ZNF462: variants seen among roughly 807,000 people sequenced by gnomAD.
ZNF462 encodes zinc finger PBX1-interacting protein.
In ZNF462, 10 loss-of-function variants were observed where a neutral mutation model predicts 201.9. That is an observed-to-expected ratio of 0.05 (90% CI 0.03 to 0.08). The LOEUF (loss-of-function observed/expected upper bound fraction) is 0.08. Ranked by LOEUF, ZNF462 falls within the 10% of genes least tolerant of loss-of-function variation. ZNF462 has a pLI of 1.00. For synonymous variants in ZNF462, 1,227 were observed against 1,193.3 expected, an observed-to-expected ratio of 1.03 and a Z score of -0.58; for missense variants, 2,523 against 3,168.3, an observed-to-expected ratio of 0.80 and a Z score of 4.89.
chr9:106,990,410 G>T (rs1020187886), intron 10 of ZNF462, among the ~76,000 whole-genome samples: 9 of 151,952 alleles, frequency 5.9e-5, no homozygotes, highest in African/African-American at 2.2e-4. Flanking sequence ...TGGATGGAAT[G>T]TTCTGTATGT....
chr9:106,864,155 TGGCTGCTGC>T (rs1783373477), intron 1 of ZNF462, among the ~76,000 whole-genome samples: 1 of 133,430 alleles, frequency 7.5e-6, no homozygotes, highest in Admixed American at 8.2e-5. Context: ...TGTCGGGGGG[TGGCTGCTGC>T]AGCTGCTGGT....
chr9:106,888,006 G>T (rs1393494530), intron 1 of ZNF462, among the ~76,000 whole-genome samples: 1 of 151,768 alleles, frequency 6.6e-6, no homozygotes, highest in African/African-American at 2.4e-5. Context: ...GTCTAGCCCA[G>T]TGCTAGGTAC....
intron 7 of ZNF462, among the ~76,000 whole-genome samples, chr9:106,964,470 G>A (rs1350845332): frequency 5.9e-5 from 9 of 151,956 alleles, no homozygotes; most frequent in African/African-American, 1.9e-4. Context: ...TTTGAATCTC[G>A]TTCCTTTGAT....
chr9:106,923,392 G>T lies in ZNF462; in HGVS notation c.9G>T (p.Val3=). The T allele has an allele frequency of 6.2e-7, 1 of 1,614,110 alleles. No individual in the cohort carries two copies. ME[V]LQCDGCDFRA... ...GAGGCTAGACCCAGATCATGGAGGT[G>T]CTTCAGTGTGATGGCTGTGATTTCC... Residue 3 remains valine (V), a synonymous_variant, in exon 2 of 13, where the codon GTG becomes GTT. Transcript: ENST00000277225. This position sits in a 1 kb window ranked among gnomAD's most constrained non-coding sequence, Gnocchi z 5.6.
At position 107,003,972 on chromosome 9, in the gene ZNF462, A is replaced by G. The variant is rs556659513; in HGVS notation, c.7189+546A>G. Among the ~76,000 whole-genome samples the G allele has an allele frequency of 2.0e-5, 3 of 152,274 alleles. No homozygotes were observed. Among genetic ancestry groups the G allele is most frequent in the African/African-American group, 7.2e-5 (3 of 41,556 alleles). On this transcript the variant is annotated intron_variant, in intron 11 of 12. Transcript: ENST00000277225. This position sits in a 1 kb window ranked among gnomAD's most constrained non-coding sequence, Gnocchi z 4.4. ...AAAGAGAGACCACCTCTTTCATTCA[A>G]CTATGTATTTACAGAATACACTGGG...
chr9:106,957,994 G>A (rs1831657503), intron 7 of ZNF462, among the ~76,000 whole-genome samples: 1 of 152,082 alleles, frequency 6.6e-6, no homozygotes, highest in Non-Finnish European at 1.5e-5. Context: ...AGATGTGAAT[G>A]TACTGAGTTC....
Position 106,993,858 on chromosome 9 carries a change from C to T in ZNF462, c.7057-9436C>T, listed in dbSNP as rs1050838034. Among the ~76,000 whole-genome samples, 8 of 152,258 alleles carry T rather than the reference C, an allele frequency of 5.3e-5. No individual in the cohort carries two copies. Among genetic ancestry groups the T allele is most frequent in the South Asian group, 2.1e-4 (1 of 4,824 alleles). On this transcript the variant is annotated intron_variant, in intron 10 of 12. Coordinates refer to ENST00000277225, the MANE Select transcript of ZNF462 (RefSeq NM_021224.6). The surrounding 1 kb of genome is among the most constrained non-coding windows in gnomAD (Gnocchi z 4.0). ...CTCCTAGGCTCAAGCAATCCTCCCA[C>T]CTTGGCTTCCCAAAGTACAGGAATT...
chr9:106,973,821 G>A (rs1298069426), intron 8 of ZNF462, among the ~76,000 whole-genome samples: 4 of 151,880 alleles, frequency 2.6e-5, no homozygotes, highest in Non-Finnish European at 5.9e-5. Context: ...CCTTTTTTGG[G>A]ATTTTGTTTT....
Position 106,984,459 on chromosome 9 carries a change from G to A in ZNF462, c.7056+50G>A, listed in dbSNP as rs371443315. 19 of 1,476,394 alleles carry A rather than the reference G, an allele frequency of 1.3e-5. No homozygotes were observed. The African/African-American group carries it at 2.1e-4, about 16-fold the overall frequency. 91.5% of individuals were successfully genotyped at this position (1,476,394 alleles called of 1,614,324 possible). On this transcript the variant is annotated intron_variant, in intron 10 of 12. Coordinates refer to ENST00000277225, the MANE Select transcript of ZNF462 (RefSeq NM_021224.6). The surrounding 1 kb of genome is among the most constrained non-coding windows in gnomAD (Gnocchi z 6.4). ...CGCCTCAGCACACTTGTGGGGAGGG[G>A]CCAAGGGGGAGACACCACTGCATTT...
intron 1 of ZNF462, among the ~76,000 whole-genome samples, chr9:106,898,065 G>T (rs2131140071): frequency 6.6e-6 from 1 of 152,340 alleles, no homozygotes; most frequent in Admixed American, 6.5e-5. Flanking sequence ...CAAAAGGGAT[G>T]CATGTTATCA....
At chr9:107,007,712 T>C (rs1829653720) in intron 11 of ZNF462, among the ~76,000 whole-genome samples, 1 of 152,194 alleles carries the variant, frequency 6.6e-6, no homozygotes, top group Non-Finnish European at 1.5e-5. Flanking sequence ...CGGGTGTTTC[T>C]GCTAGACATC....
In ZNF462 at chr9:106,935,515, T is replaced by C; in HGVS notation, c.6129T>C (p.His2043=). ...CTTCTACATCAAGTTTGGATCGCCA[T>C]ATGCAAACCCACCACGGACACCATA... ...VSAFRHNLDR[H]MQTHHGHHKP... Residue 2043 remains histidine (H), a synonymous_variant, in exon 6 of 13, where the codon CAT becomes CAC. Coordinates refer to ENST00000277225, the MANE Select transcript of ZNF462 (RefSeq NM_021224.6). The surrounding 1 kb of genome is among the most constrained non-coding windows in gnomAD (Gnocchi z 4.1). The C allele has an allele frequency of 3.1e-6, 5 of 1,614,118 alleles. No homozygotes were observed. Among genetic ancestry groups the C allele is most frequent in the Non-Finnish European group, 3.4e-6 (4 of 1,179,964 alleles).
Position 107,005,592 on chromosome 9 carries a change from C to G in ZNF462, c.7189+2166C>G, listed in dbSNP as rs891326077. On this transcript the variant is annotated intron_variant, in intron 11 of 12. Transcript: ENST00000277225. The surrounding 1 kb of genome is among the most constrained non-coding windows in gnomAD (Gnocchi z 4.4). Reference sequence around the variant, plus strand: ...TACAGCATGGGTATTAATTCCTTATCAGATGTATGGTTTGCAAATATTTTC... The same window carrying G: ...TACAGCATGGGTATTAATTCCTTATGAGATGTATGGTTTGCAAATATTTTC... Among the ~76,000 whole-genome samples, 2 of 152,136 alleles carry G rather than the reference C, an allele frequency of 1.3e-5. No individual in the cohort carries two copies. The highest frequency in any genetic ancestry group is 4.2e-4 in the South Asian group (2 of 4,818).
At chr9:106,971,862 C>T (rs1826634749) in intron 7 of ZNF462, 143 bp from the exon 8 acceptor site, 2 of 989,464 alleles carry the variant, frequency 2.0e-6, no homozygotes, top group African/African-American at 1.6e-5. Context: ...ATCTTGTACA[C>T]CTTAAGTATA....
chr9:106,940,801 G>C (rs982531062), intron 7 of ZNF462, among the ~76,000 whole-genome samples: 4 of 151,928 alleles, frequency 2.6e-5, no homozygotes, highest in African/African-American at 9.7e-5. Context: ...TCTAGGGCTG[G>C]GTGAGAGTAC....
intron 1 of ZNF462, among the ~76,000 whole-genome samples, chr9:106,906,135 G>A (rs1564088783): frequency 6.6e-6 from 1 of 152,268 alleles, no homozygotes; most frequent in Admixed American, 6.5e-5. Context: ...AGGTAAAGTC[G>A]GAAACTTCTG....
chr9:106,864,039 G>GCTCGCGCTCTCTCTCTCTCTCTCT (rs1827179488), intron 1 of ZNF462, among the ~76,000 whole-genome samples: 1 of 22,722 alleles, frequency 4.4e-5, no homozygotes, highest in Admixed American at 5.8e-4. Flanking sequence ...CAGGTATTTG[G>GCTCGCGCTCTCTCTCTCTCTCTCT]CTCTCTCTCT....
chr9:106,982,456 C>G (rs978831541), intron 9 of ZNF462, among the ~76,000 whole-genome samples: 1 of 152,268 alleles, frequency 6.6e-6, no homozygotes. Context: ...GCATGAGCTC[C>G]TTAAGATTTA....
intron 10 of ZNF462, among the ~76,000 whole-genome samples, chr9:106,989,774 G>A (rs544968558): frequency 6.6e-6 from 1 of 152,170 alleles, no homozygotes; most frequent in East Asian, 1.9e-4. Flanking sequence ...TACGAGGGTT[G>A]TATTTTTCCA....
Sources: gnomAD v4.1 joint callset for allele counts (sites outside exome capture counted in the v4.1 genomes callset) on GRCh38, gnomAD v4.1.1 for gene constraint, Gnocchi (gnomAD v3.1) non-coding constraint, MANE v1.5 for transcripts, NCBI Gene and HGNC (gene_info 2026-07-23, HGNC 2026-07-21) for gene names.